ADCY2: variants seen among roughly 807,000 people sequenced by gnomAD.
ADCY2 encodes adenylate cyclase 2.
ADCY2 carries 31 observed loss-of-function variants against 125.2 expected under a neutral mutation model. The observed-to-expected ratio is 0.25, with a 90% confidence interval of 0.19 to 0.33. The LOEUF is 0.33. Ranked by LOEUF, ADCY2 falls within the 10% of genes least tolerant of loss-of-function variation. The pLI, the probability that ADCY2 is intolerant of heterozygous loss-of-function variation, is 1.00. For missense variants in ADCY2, 904 were observed against 1,418.2 expected (o/e 0.64, Z 5.82); for synonymous variants, 512 against 548.4 (o/e 0.93, Z 0.93).
At chr5:7,825,792 G>A (rs1432746060) in intron 24 of ADCY2, among the ~76,000 whole-genome samples, 6 of 152,178 alleles carry the variant, frequency 3.9e-5, no homozygotes, top group East Asian at 1.9e-4. Context: ...AGGCAGGCGC[G>A]GGCCCACAGT....
intron 24 of ADCY2, 72 bp from the exon 25 acceptor site, chr5:7,826,647 G>T (rs2126547083): frequency 1.9e-6 from 3 of 1,600,764 alleles, no homozygotes; most frequent in Non-Finnish European, 2.6e-6. Context: ...TTTTAGCTCT[G>T]CATCCTTGAG....
intron 4 of ADCY2, among the ~76,000 whole-genome samples, chr5:7,682,949 T>C (rs875348): frequency 0.44 from 67,513 of 152,082 alleles, 15,734 homozygotes; most frequent in East Asian, 0.83. Context: ...TGACCTCTGG[T>C]TTTTATTTTG....
chr5:7,504,821 C>CTTATTA (rs576438652), intron 2 of ADCY2, among the ~76,000 whole-genome samples: 1 of 149,926 alleles, frequency 6.7e-6, no homozygotes. Context: ...AAATTGCAGC[C>CTTATTA]TTATTATTAT....
intron 1 of ADCY2, among the ~76,000 whole-genome samples, chr5:7,410,906 G>T (rs1043259572): frequency 6.6e-6 from 1 of 152,036 alleles, no homozygotes; most frequent in African/African-American, 2.4e-5. Flanking sequence ...TACCTTGCTG[G>T]CTTCCTTCCT....
chr5:7,533,032 T>G (rs953327659), intron 3 of ADCY2, among the ~76,000 whole-genome samples: 1 of 149,878 alleles, frequency 6.7e-6, no homozygotes, highest in African/African-American at 2.4e-5. Context: ...TATGTATATA[T>G]GTATATAAAC....
At chr5:7,658,067 G>A (rs1000789967) in intron 4 of ADCY2, 1 of 152,158 alleles carries the variant, frequency 6.6e-6, no homozygotes, top group South Asian at 2.1e-4. Flanking sequence ...CCTTCGACAC[G>A]AACCCTCTTC....
intron 2 of ADCY2, among the ~76,000 whole-genome samples, chr5:7,439,550 A>ACC: frequency 6.6e-6 from 1 of 152,068 alleles, no homozygotes; most frequent in East Asian, 1.9e-4. Flanking sequence ...ACACACACAC[A>ACC]CACACACACA....
intron 21 of ADCY2, 83 bp from the exon 22 acceptor site, chr5:7,804,502 A>G: frequency 4.7e-6 from 5 of 1,058,602 alleles, no homozygotes; most frequent in Non-Finnish European, 7.3e-6. Context: ...ACTGTGAACC[A>G]GCATTTGAGA....
chr5:7,535,825 A>G (rs754193379), intron 3 of ADCY2, among the ~76,000 whole-genome samples: 1 of 152,206 alleles, frequency 6.6e-6, no homozygotes, highest in Middle Eastern at 3.2e-3. Context: ...TGCTAATGAT[A>G]TTAACATGAC....
intron 14 of ADCY2, among the ~76,000 whole-genome samples, chr5:7,738,143 T>C (rs2126421358): frequency 6.6e-6 from 1 of 152,272 alleles, no homozygotes; most frequent in Non-Finnish European, 1.5e-5. Flanking sequence ...GACAATGTAT[T>C]TATTTTTCAT....
intron 22 of ADCY2, among the ~76,000 whole-genome samples, chr5:7,811,484 G>A (rs1337156288): frequency 6.7e-6 from 1 of 149,210 alleles, no homozygotes; most frequent in Non-Finnish European, 1.5e-5. Flanking sequence ...CTGGGCAACA[G>A]AGCGAGACTC....
chr5:7,825,828 C>T (rs1164564112), intron 24 of ADCY2, among the ~76,000 whole-genome samples: 2 of 152,202 alleles, frequency 1.3e-5, no homozygotes, highest in Admixed American at 6.5e-5. Flanking sequence ...CTAAGGAAGG[C>T]GCAGCACACG....
chr5:7,404,470 G>A (rs750437111), intron 1 of ADCY2, among the ~76,000 whole-genome samples: 2 of 152,186 alleles, frequency 1.3e-5, no homozygotes, highest in Non-Finnish European at 2.9e-5. Context: ...AGATGATTCA[G>A]TAGAGGGACT....
chr5:7,687,407 A>C (rs542355629), intron 4 of ADCY2, among the ~76,000 whole-genome samples: 76 of 152,182 alleles, frequency 5.0e-4, no homozygotes, highest in Non-Finnish European at 9.4e-4. Context: ...AATGCTTGGA[A>C]AAGTCTGTTA....
intron 3 of ADCY2, among the ~76,000 whole-genome samples, chr5:7,525,168 A>G (rs942070743): frequency 1.3e-5 from 2 of 151,860 alleles, no homozygotes; most frequent in Non-Finnish European, 2.9e-5. Flanking sequence ...ATGCCTGGCT[A>G]ATTTCTTTTT....
chr5:7,763,217 C>A (rs1743286318), intron 16 of ADCY2, among the ~76,000 whole-genome samples: 3 of 151,928 alleles, frequency 2.0e-5, no homozygotes, highest in Admixed American at 6.6e-5. Flanking sequence ...CTGCGTCCCG[C>A]GTAGCTGGGA....
At chr5:7,727,286 G>C in intron 14 of ADCY2, 25 bp downstream of exon 14, 1 of 1,593,176 alleles carries the variant, frequency 6.3e-7, no homozygotes, top group Non-Finnish European at 8.6e-7. Flanking sequence ...TTTCCACTGG[G>C]ATTCTCACCT....
In ADCY2 at chr5:7,818,759, GCGTGTC is replaced by G. The variant is rs1417209150; in HGVS notation, c.2998+1781_2998+1786del. Among the ~76,000 whole-genome samples the G allele has an allele frequency of 4.0e-5, 6 of 149,282 alleles. No homozygotes were observed. The East Asian group carries it at 1.2e-3, about 30-fold the overall frequency. Reference sequence around the variant, plus strand: ...GATGAGATGACCACACCAAACATGGGCGTGTCCCTTTGACCCCAGAGACTCTACACT... The same window carrying G: ...GATGAGATGACCACACCAAACATGGGCCTTTGACCCCAGAGACTCTACACT... On this transcript the variant is annotated intron_variant, in intron 23 of 24. Transcript: ENST00000338316.
chr5:7,693,413 G>GTTTTGTTTTTT lies in ADCY2; in HGVS notation c.870-2335_870-2334insGTTTTTTTTTT, dbSNP rs1740779550. Among the ~76,000 whole-genome samples the GTTTTGTTTTTT allele has an allele frequency of 1.4e-3, 46 of 32,404 alleles. No homozygotes were observed. In the East Asian group the frequency reaches 0.032, roughly 23 times the overall value. The allele number at this position is 32,404 out of a possible 152,430, so 21.3% of individuals were successfully genotyped here. A position where few individuals can be genotyped will look rare whatever the true frequency, so the allele number is the denominator to read the frequency against. The stretch of plus-strand genomic sequence containing the variant: ...GCATCACAATTGCCTGCTGTTTTTT[G>GTTTTGTTTTTT]TTTTTTTTTTTTTTTTTTTTTTTGA... On this transcript the variant is annotated intron_variant, in intron 5 of 24. Transcript: ENST00000338316.
Sources: gnomAD v4.1 joint callset for allele counts (sites outside exome capture counted in the v4.1 genomes callset) on GRCh38, gnomAD v4.1.1 for gene constraint, MANE v1.5 for transcripts, NCBI Gene and HGNC (gene_info 2026-07-23, HGNC 2026-07-21) for gene names.